The following FUT8 variants were observed in gnomAD, a reference collection of about 807,000 sequenced individuals.
The protein encoded by FUT8 is fucosyltransferase 8.
In FUT8, 29 loss-of-function variants were observed where a neutral mutation model predicts 71.3. The ratio of observed to expected loss-of-function variants is 0.41; its 90% confidence interval spans 0.30 to 0.55. The LOEUF (loss-of-function observed/expected upper bound fraction) is 0.55, where lower values mean the gene tolerates loss of function less well. FUT8 is among the 20% of genes least tolerant of loss of function. The probability of loss-of-function intolerance (pLI) is 0.34; values close to 1 mark genes in which losing one functional copy is unlikely to be tolerated. For missense variants in FUT8, 544 were observed against 702.1 expected, an observed-to-expected ratio of 0.77 and a Z score of 2.55; for synonymous variants, 254 against 239.3, an observed-to-expected ratio of 1.06 and a Z score of -0.57.
chr14:65,645,649 A>G (rs940248773), intron 6 of FUT8, among the ~76,000 whole-genome samples: 2 of 152,202 alleles, frequency 1.3e-5, no homozygotes, highest in African/African-American at 4.8e-5. Context: ...CTCATCAGAA[A>G]AGGAAAAAAT....
intron 7 of FUT8, among the ~76,000 whole-genome samples, chr14:65,678,498 G>A (rs1892875009): frequency 6.6e-6 from 1 of 152,188 alleles, no homozygotes; most frequent in South Asian, 2.1e-4. Flanking sequence ...CAGTCAGAGA[G>A]CTCTCCTGAC....
Position 65,724,174 on chromosome 14 carries a change from G to A in FUT8, c.1110G>A (p.Val370=). ...IGVHVRRTDK[V]GTEAAFHPIE... Reference sequence around the variant, plus strand: ...TCCATGTCAGACGCACAGACAAAGTGGGAACAGAAGCTGCCTTCCATCCCA... The same window carrying A: ...TCCATGTCAGACGCACAGACAAAGTAGGAACAGAAGCTGCCTTCCATCCCA... The change falls in exon 9 of 11, where the codon GTG becomes GTA. Residue 370 remains valine, a synonymous_variant. Coordinates refer to ENST00000673929, the MANE Select transcript of FUT8 (RefSeq NM_001371533.1). 6.2e-7 allele frequency: 1 copy of A among 1,603,052 alleles called. No individual in the cohort carries two copies. The highest frequency in any genetic ancestry group is 8.5e-7 in the Non-Finnish European group (1 of 1,176,680).
intron 1 of FUT8, among the ~76,000 whole-genome samples, chr14:65,446,280 T>C (rs1271153167): frequency 6.6e-6 from 1 of 152,220 alleles, no homozygotes; most frequent in Non-Finnish European, 1.5e-5. Flanking sequence ...TTTAACACTT[T>C]CCTCTGTTCT....
At chr14:65,625,245 C>T (rs887053728) in intron 5 of FUT8, among the ~76,000 whole-genome samples, 2 of 151,802 alleles carry the variant, frequency 1.3e-5, no homozygotes, top group Non-Finnish European at 2.9e-5. Context: ...GCTTATGAAA[C>T]TGAGAATATG....
intron 1 of FUT8, among the ~76,000 whole-genome samples, chr14:65,434,734 A>G (rs181313430): frequency 2.0e-5 from 3 of 152,324 alleles, no homozygotes; most frequent in East Asian, 3.9e-4. Context: ...AGGCAGCTGT[A>G]TTATCTCCAG....
chr14:65,640,530 A>G (rs1375265519), intron 6 of FUT8, among the ~76,000 whole-genome samples: 1 of 152,154 alleles, frequency 6.6e-6, no homozygotes, highest in Non-Finnish European at 1.5e-5. Context: ...ATACAAAAGT[A>G]GAAATCTGTC....
At chr14:65,390,111 A>T in the FUT8 span, among the ~76,000 whole-genome samples, 1 of 151,284 alleles carries the variant, frequency 6.6e-6, no homozygotes. Flanking sequence ...ACACCACTGC[A>T]CTTCAGCCTG....
intron 7 of FUT8, among the ~76,000 whole-genome samples, chr14:65,714,189 A>T (rs528715571): frequency 1.7e-4 from 26 of 152,136 alleles, no homozygotes; most frequent in Admixed American, 3.9e-4. Context: ...CAATGTATAG[A>T]TTTGTTTCTG....
intron 6 of FUT8, among the ~76,000 whole-genome samples, chr14:65,650,090 A>T (rs1891296043): frequency 6.6e-6 from 1 of 151,012 alleles, no homozygotes; most frequent in Admixed American, 6.6e-5. Flanking sequence ...AGGTCAGGAG[A>T]TCAAGACCAT....
rs80356048 is a variant in FUT8 at position 65,460,002 on chromosome 14, A to G, written c.-228+4284A>G. 5.6e-3 allele frequency among the ~76,000 whole-genome samples: 859 copies of G among 152,350 alleles called. 1 individual carries two copies. Among genetic ancestry groups the G allele is most frequent in the South Asian group, 0.023 (110 of 4,828 alleles). On this transcript the variant is annotated intron_variant, in intron 2 of 10. Transcript: ENST00000673929. The stretch of plus-strand genomic sequence containing the variant: ...TGGATATTTGATAGATAGGCTTGTT[A>G]TAAGATTGTGACTCAGCTGAAGTGG...
intron 1 of FUT8, among the ~76,000 whole-genome samples, chr14:65,419,297 C>G (rs779362960): frequency 1.6e-4 from 24 of 152,060 alleles, no homozygotes; most frequent in Non-Finnish European, 1.6e-4. Context: ...AAAACAAATT[C>G]TAACCTTCAT....
chr14:65,686,087 G>A (rs1893273731), intron 7 of FUT8, among the ~76,000 whole-genome samples: 1 of 152,186 alleles, frequency 6.6e-6, no homozygotes, highest in African/African-American at 2.4e-5. Flanking sequence ...CAACTCCAGA[G>A]TAGAGAAGTG....
At chr14:65,729,407 A>G (rs772586385) in intron 9 of FUT8, among the ~76,000 whole-genome samples, 2 of 152,192 alleles carry the variant, frequency 1.3e-5, no homozygotes, top group Non-Finnish European at 2.9e-5. Context: ...TTAGGCAGTC[A>G]GCTTATTTCC....
chr14:65,408,940 G>A (rs1474799197), upstream of FUT8, among the ~76,000 whole-genome samples: 2 of 152,130 alleles, frequency 1.3e-5, no homozygotes, highest in Non-Finnish European at 2.9e-5. Flanking sequence ...AACATTCTGC[G>A]ACCTTGTCTC....
At chr14:65,692,400 C>T (rs1396215472) in intron 7 of FUT8, among the ~76,000 whole-genome samples, 5 of 127,654 alleles carry the variant, frequency 3.9e-5, no homozygotes, top group South Asian at 2.6e-4. Context: ...GCTGGCCGGG[C>T]GGGGGGCTGA....
intron 6 of FUT8, among the ~76,000 whole-genome samples, chr14:65,640,825 CATAAATATTTTTGTATGA>C (rs1245113545): frequency 6.6e-6 from 1 of 152,066 alleles, no homozygotes; most frequent in Non-Finnish European, 1.5e-5. Context: ...ATAAATACTC[CATAAATATTTTTGTATGA>C]ATAAATTAAA....
At chr14:65,646,606 A>G (rs1036040595) in intron 6 of FUT8, 1 of 126,584 alleles carries the variant, frequency 7.9e-6, no homozygotes, top group Non-Finnish European at 2.0e-5. Flanking sequence ...TGTGTAAGTC[A>G]GCCATACCCT....
chr14:65,622,927 T>TTTTTTA (rs398025457), intron 5 of FUT8, among the ~76,000 whole-genome samples: 5 of 150,560 alleles, frequency 3.3e-5, no homozygotes, highest in South Asian at 2.1e-4. Context: ...TTTTTTTTTT[T>TTTTTTA]GAGGCAGTGT....
intron 1 of FUT8, among the ~76,000 whole-genome samples, chr14:65,453,242 G>A (rs2065853264): frequency 6.6e-6 from 1 of 151,936 alleles, no homozygotes; most frequent in Non-Finnish European, 1.5e-5. Flanking sequence ...GGGCTCAAGT[G>A]ATCCTCCTGT....
Sources: gnomAD v4.1 joint callset for allele counts (sites outside exome capture counted in the v4.1 genomes callset) on GRCh38, gnomAD v4.1.1 for gene constraint, MANE v1.5 for transcripts, NCBI Gene and HGNC (gene_info 2026-07-23, HGNC 2026-07-21) for gene names.